The following CTNNA2 variants were observed in gnomAD, a reference collection of about 807,000 sequenced individuals.
CTNNA2 encodes catenin alpha-2.
CTNNA2 carries 42 observed loss-of-function variants against 101.0 expected under a neutral mutation model. The observed-to-expected ratio is 0.42, with a 90% CI of 0.32 to 0.54. The LOEUF is 0.54. CTNNA2 is among the 20% of genes least tolerant of loss of function. The probability of loss-of-function intolerance (pLI) is 0.14; values close to 1 mark genes in which losing one functional copy is unlikely to be tolerated. For missense variants in CTNNA2, 871 were observed against 1,223.1 expected, an observed-to-expected ratio of 0.71 and a Z score of 4.29; for synonymous variants, 450 against 456.4, an observed-to-expected ratio of 0.99 and a Z score of 0.18.
At chr2:79,781,904 A>C (rs554095516) in intron 3 of CTNNA2, among the ~76,000 whole-genome samples, 1 of 152,346 alleles carries the variant, frequency 6.6e-6, no homozygotes, top group East Asian at 1.9e-4. Flanking sequence ...TAAACTCTAC[A>C]TAAGAACTGT....
At chr2:80,192,703 T>C (rs1183904891) in intron 7 of CTNNA2, among the ~76,000 whole-genome samples, 1 of 152,068 alleles carries the variant, frequency 6.6e-6, no homozygotes, top group East Asian at 1.9e-4. Context: ...TTAGTAGAGA[T>C]GGGGTTTCGC....
At chr2:79,289,421 A>G (rs1331585044) in intron 2 of CTNNA2, among the ~76,000 whole-genome samples, 1 of 152,140 alleles carries the variant, frequency 6.6e-6, no homozygotes, top group East Asian at 1.9e-4. Context: ...CCAGTTTCCC[A>G]TGGATACATG....
At chr2:80,585,789 C>G (rs1362252542) in intron 14 of CTNNA2, among the ~76,000 whole-genome samples, 1 of 152,018 alleles carries the variant, frequency 6.6e-6, no homozygotes, top group African/African-American at 2.4e-5. Flanking sequence ...TATAGATAAC[C>G]TTTTTTTAAA....
At chr2:79,784,169 G>T (rs1674665123) in intron 3 of CTNNA2, among the ~76,000 whole-genome samples, 1 of 152,128 alleles carries the variant, frequency 6.6e-6, no homozygotes, top group East Asian at 1.9e-4. Flanking sequence ...CAGTGGTCAT[G>T]TCTTAGGACA....
At chr2:80,576,064 A>G (rs1310897933) in intron 13 of CTNNA2, among the ~76,000 whole-genome samples, 3 of 152,160 alleles carry the variant, frequency 2.0e-5, no homozygotes, top group East Asian at 3.9e-4. Flanking sequence ...AGGAAGATAA[A>G]CAATAAGACA....
chr2:79,660,788 C>T (rs1191648378), intron 2 of CTNNA2, among the ~76,000 whole-genome samples: 1 of 151,904 alleles, frequency 6.6e-6, no homozygotes, highest in Non-Finnish European at 1.5e-5. Flanking sequence ...GCTGTGTTGG[C>T]CATGTTTTGA....
chr2:80,104,870 T>G (rs1700783522), intron 7 of CTNNA2, among the ~76,000 whole-genome samples: 1 of 152,216 alleles, frequency 6.6e-6, no homozygotes, highest in African/African-American at 2.4e-5. Flanking sequence ...AATTTTGAAT[T>G]TGTAAATGTA....
At chr2:80,356,985 G>A (rs1673875485) in intron 7 of CTNNA2, among the ~76,000 whole-genome samples, 1 of 152,204 alleles carries the variant, frequency 6.6e-6, no homozygotes, top group Admixed American at 6.5e-5. Context: ...TTAGCTCACT[G>A]GAGAAGGTAG....
At chr2:80,495,546 C>T (rs1035850548) in intron 9 of CTNNA2, among the ~76,000 whole-genome samples, 2 of 152,052 alleles carry the variant, frequency 1.3e-5, no homozygotes, top group African/African-American at 4.8e-5. Context: ...ATACTATGAC[C>T]TCATTTGGAA....
At position 80,597,706 on chromosome 2, in the gene CTNNA2, C is replaced by G. The variant is rs539216960; in HGVS notation, c.2190-6368C>G. Among the ~76,000 whole-genome samples, 259 of 152,140 alleles carry G rather than the reference C, an allele frequency of 1.7e-3. 1 individual carries two copies. Among genetic ancestry groups the G allele is most frequent in the Non-Finnish European group, 2.5e-3 (168 of 67,966 alleles). The stretch of plus-strand genomic sequence containing the variant: ...CAAAAGAAGACATTTATGTGGCCAA[C>G]AAACATAAAAAAAGCTCATCATCAC... On this transcript the variant is annotated intron_variant, in intron 15 of 18. Transcript: ENST00000402739.
chr2:80,471,490 C>A (rs2149486617), intron 9 of CTNNA2, among the ~76,000 whole-genome samples: 1 of 152,284 alleles, frequency 6.6e-6, no homozygotes, highest in African/African-American at 2.4e-5. Flanking sequence ...ACAGTCTCTA[C>A]TAAAAATATC....
chr2:80,545,937 C>T lies in CTNNA2; in HGVS notation c.1414C>T (p.Arg472Trp), dbSNP rs759107518. The T allele has an allele frequency of 5.6e-6, 9 of 1,614,000 alleles. No individual in the cohort carries two copies. Among genetic ancestry groups the T allele is most frequent in the Non-Finnish European group, 7.6e-6 (9 of 1,179,960 alleles). ...CAATGCCGCTCTGACACTGGCTGCC[C>T]GGCCACAGAGCAAAGTTGCTCAGGA... ...VINAALTLAA[R>W]PQSKVAQDNM... Residue 472 changes from arginine to tryptophan, a missense_variant, in exon 11 of 19, where the codon CGG becomes TGG. By Grantham distance (101) the Arg-to-Trp change is moderately radical. Coordinates refer to ENST00000402739, the MANE Select transcript of CTNNA2 (RefSeq NM_001282597.3).
chr2:80,580,999 C>A (rs1242648091), intron 13 of CTNNA2, among the ~76,000 whole-genome samples: 1 of 141,108 alleles, frequency 7.1e-6, no homozygotes, highest in Non-Finnish European at 1.5e-5. Flanking sequence ...CTGGGCTACA[C>A]AGTGAGACCC....
At chr2:80,081,158 T>TA (rs1178635077) in intron 7 of CTNNA2, among the ~76,000 whole-genome samples, 1 of 151,448 alleles carries the variant, frequency 6.6e-6, no homozygotes, top group Admixed American at 6.6e-5. Flanking sequence ...TTCCCCTTAA[T>TA]AAAAACAACA....
At chr2:79,588,618 G>A (rs1434482068) in intron 1 of CTNNA2, among the ~76,000 whole-genome samples, 3 of 151,954 alleles carry the variant, frequency 2.0e-5, no homozygotes, top group Non-Finnish European at 2.9e-5. Context: ...TAAAGTATAT[G>A]GATTTTTTTT....
At chr2:79,248,684 G>A (rs1435251622) in intron 2 of CTNNA2, among the ~76,000 whole-genome samples, 1 of 152,142 alleles carries the variant, frequency 6.6e-6, no homozygotes, top group Non-Finnish European at 1.5e-5. Flanking sequence ...AGCCCTATGT[G>A]AGTCAAGGTG....
chr2:79,923,862 G>T (rs1187609046), intron 7 of CTNNA2, among the ~76,000 whole-genome samples: 1 of 152,020 alleles, frequency 6.6e-6, no homozygotes, highest in Admixed American at 6.6e-5. Flanking sequence ...TTTTGTGTTG[G>T]CAGGAAAGTA....
chr2:80,371,001 T>A (rs1675390738), intron 7 of CTNNA2, among the ~76,000 whole-genome samples: 1 of 152,188 alleles, frequency 6.6e-6, no homozygotes. Flanking sequence ...GATCTAATGG[T>A]AAGAAACGGG....
At chr2:80,256,438 GACA>G (rs1329647369) in intron 7 of CTNNA2, among the ~76,000 whole-genome samples, 1 of 152,196 alleles carries the variant, frequency 6.6e-6, no homozygotes, top group African/African-American at 2.4e-5. Flanking sequence ...TAGAAACTGT[GACA>G]ACATGGCAAG....
Sources: allele counts gnomAD v4.1 joint callset (sites outside exome capture counted in the v4.1 genomes callset), GRCh38; gene constraint gnomAD v4.1.1; transcripts MANE v1.5; gene names NCBI Gene and HGNC (gene_info 2026-07-23, HGNC 2026-07-21).